Variants in LRRTM4 observed in about 807,000 individuals in gnomAD.
The protein encoded by LRRTM4 is leucine rich repeat transmembrane neuronal 4.
LRRTM4 carries 25 observed loss-of-function variants against 47.6 expected under a neutral mutation model. That is an observed-to-expected ratio of 0.53 (90% CI 0.38 to 0.73). The LOEUF is 0.73. Among genes scored for constraint, LRRTM4 ranks in the 30% least tolerant of loss-of-function variants. The probability of loss-of-function intolerance (pLI) is 0.00; values close to 1 mark genes in which losing one functional copy is unlikely to be tolerated. For missense variants in LRRTM4, 638 were observed against 713.4 expected, an observed-to-expected ratio of 0.89 and a Z score of 1.20; for synonymous variants, 311 against 269.5, an observed-to-expected ratio of 1.15 and a Z score of -1.51.
chr2:77,358,584 A>G (rs1672060281), intron 3 of LRRTM4, among the ~76,000 whole-genome samples: 1 of 152,202 alleles, frequency 6.6e-6, no homozygotes, highest in South Asian at 2.1e-4. Context: ...ATTTTCCCAC[A>G]TATTTGAATA....
At chr2:77,241,014 C>T (rs1046548027) in intron 3 of LRRTM4, among the ~76,000 whole-genome samples, 16 of 151,742 alleles carry the variant, frequency 1.1e-4, no homozygotes, top group Non-Finnish European at 1.6e-4. Context: ...ACATTTTTAA[C>T]CAAATCATAT....
At chr2:76,804,648 ATATAGTAAATATATAG>A (rs1342860336) in intron 3 of LRRTM4, among the ~76,000 whole-genome samples, 5 of 147,530 alleles carry the variant, frequency 3.4e-5, no homozygotes, top group Non-Finnish European at 7.5e-5. Flanking sequence ...TATACTATAT[ATATAGTAAATATATAG>A]TATAAAAAAT....
intron 3 of LRRTM4, among the ~76,000 whole-genome samples, chr2:76,882,685 C>A (rs1369005776): frequency 1.3e-5 from 2 of 152,060 alleles, no homozygotes; most frequent in Non-Finnish European, 2.9e-5. Flanking sequence ...TTTATGGAGA[C>A]TGGTCTCCTG....
At chr2:76,911,944 G>C (rs796345944) in intron 3 of LRRTM4, among the ~76,000 whole-genome samples, 12 of 140,118 alleles carry the variant, frequency 8.6e-5, no homozygotes, top group African/African-American at 2.7e-4. Flanking sequence ...TTGGGGGGGG[G>C]GGGGGGACAG....
intron 3 of LRRTM4, among the ~76,000 whole-genome samples, chr2:77,374,924 T>G (rs755545486): frequency 1.1e-4 from 17 of 151,692 alleles, no homozygotes; most frequent in Non-Finnish European, 2.1e-4. Flanking sequence ...AAGAACCTCC[T>G]CCAGAAATTA....
intron 3 of LRRTM4, among the ~76,000 whole-genome samples, chr2:77,335,327 C>A (rs536397360): frequency 5.3e-5 from 8 of 152,122 alleles, no homozygotes; most frequent in Non-Finnish European, 1.0e-4. Context: ...CTCTATTTCA[C>A]CTACCCTTCC....
chr2:77,257,719 C>CAG (rs770703931), intron 3 of LRRTM4, among the ~76,000 whole-genome samples: 4 of 93,026 alleles, frequency 4.3e-5, no homozygotes, highest in African/African-American at 4.2e-4. Flanking sequence ...AAAAATACAA[C>CAG]ACACACACAC....
intron 3 of LRRTM4, among the ~76,000 whole-genome samples, chr2:77,031,967 C>T (rs1281097648): frequency 3.3e-5 from 5 of 152,182 alleles, no homozygotes; most frequent in Admixed American, 2.6e-4. Context: ...TTCTTCTATG[C>T]CTCGCATCTC....
intron 3 of LRRTM4, among the ~76,000 whole-genome samples, chr2:77,494,201 GAAGATATGCC>G (rs753412226): frequency 2.6e-5 from 4 of 152,096 alleles, no homozygotes; most frequent in African/African-American, 4.8e-5. Context: ...ATGAACTGCA[GAAGATATGCC>G]AAGTTTTTAC....
chr2:77,381,616 T>C (rs1311139730), intron 3 of LRRTM4, among the ~76,000 whole-genome samples: 6 of 152,066 alleles, frequency 3.9e-5, no homozygotes, highest in Non-Finnish European at 8.8e-5. Flanking sequence ...ATGATGAAGA[T>C]TTTAAAAAGT....
intron 3 of LRRTM4, among the ~76,000 whole-genome samples, chr2:77,083,606 T>C (rs1354858516): frequency 6.6e-6 from 1 of 151,936 alleles, no homozygotes; most frequent in East Asian, 1.9e-4. Context: ...CTGTAGCTAG[T>C]CCTGGAAATA....
intron 3 of LRRTM4, among the ~76,000 whole-genome samples, chr2:77,250,722 C>T (rs1330250898): frequency 1.3e-5 from 2 of 152,124 alleles, no homozygotes; most frequent in African/African-American, 4.8e-5. Context: ...CTCCAATATT[C>T]CCACTGAAAT....
At chr2:77,218,702 C>G (rs1189694334) in intron 3 of LRRTM4, among the ~76,000 whole-genome samples, 1 of 152,070 alleles carries the variant, frequency 6.6e-6, no homozygotes, top group Non-Finnish European at 1.5e-5. Context: ...TTTCTCCTAA[C>G]ATAGTCTTGA....
chr2:76,826,488 G>T (rs893989314), intron 3 of LRRTM4, among the ~76,000 whole-genome samples: 1 of 151,322 alleles, frequency 6.6e-6, no homozygotes, highest in African/African-American at 2.4e-5. Flanking sequence ...TAAGGATTTG[G>T]AAAGTAGGAG....
At position 76,973,078 on chromosome 2, in the gene LRRTM4, T is replaced by C. The variant is rs181438667; in HGVS notation, c.1552-224162A>G. Among the ~76,000 whole-genome samples, 148 of 152,128 alleles carry C rather than the reference T, an allele frequency of 9.7e-4. 1 individual carries two copies. The highest frequency in any genetic ancestry group is 1.6e-3 in the Non-Finnish European group (108 of 67,942). On this transcript the variant is annotated intron_variant, in intron 3 of 3. Transcript: ENST00000409884. ...ACAATGAAAGCATGTTTTGACTTGT[T>C]GAGGAAAATGGGAAATATCATCAAG... is the stretch of plus-strand genomic sequence containing the variant.
intron 3 of LRRTM4, among the ~76,000 whole-genome samples, chr2:77,429,930 G>T (rs1024032539): frequency 1.6e-4 from 24 of 152,202 alleles, no homozygotes; most frequent in Non-Finnish European, 1.0e-4. Flanking sequence ...GCCAGGCATG[G>T]TGGCACATGC....
At chr2:76,911,948 G>GGT (rs1674078223) in intron 3 of LRRTM4, among the ~76,000 whole-genome samples, 3 of 129,588 alleles carry the variant, frequency 2.3e-5, no homozygotes, top group Non-Finnish European at 5.0e-5. Context: ...GGGGGGGGGG[G>GGT]GGACAGAGTC....
In LRRTM4 at chr2:77,299,847, A is replaced by ATTT. The variant is rs145008759; in HGVS notation, c.1551+218468_1551+218470dup. On this transcript the variant is annotated intron_variant, in intron 3 of 3. Coordinates refer to ENST00000409884, the MANE Select transcript of LRRTM4 (RefSeq NM_001134745.3). ...TGTGAGGACATGATGTAAGGTAATG[A>ATTT]TTTTTTTTTTTTTTTTTTTTTTTTG... 2.3e-3 allele frequency among the ~76,000 whole-genome samples: 260 copies of ATTT among 114,170 alleles called. 3 individuals are homozygous for ATTT. The highest frequency in any genetic ancestry group is 6.2e-3 in the African/African-American group (186 of 29,768). The allele number at this position is 114,170 out of a possible 152,430, so 74.9% of individuals were successfully genotyped here. A position where few individuals can be genotyped will look rare whatever the true frequency, so the allele number is the denominator to read the frequency against.
intron 3 of LRRTM4, among the ~76,000 whole-genome samples, chr2:76,980,537 A>G (rs1187538705): frequency 2.6e-5 from 4 of 152,096 alleles, no homozygotes; most frequent in Non-Finnish European, 5.9e-5. Flanking sequence ...ACAGATCACT[A>G]TGGAAAGAAG....
Sources: gnomAD v4.1 joint callset for allele counts (sites outside exome capture counted in the v4.1 genomes callset) on GRCh38, gnomAD v4.1.1 for gene constraint, MANE v1.5 for transcripts, NCBI Gene and HGNC (gene_info 2026-07-23, HGNC 2026-07-21) for gene names.